Variants in CLIP1 observed in about 807,000 individuals in gnomAD.
The protein encoded by CLIP1 is CAP-Gly domain-containing linker protein 1.
CLIP1 carries 66 observed loss-of-function variants against 161.6 expected under a neutral mutation model. The ratio of observed to expected loss-of-function variants is 0.41; its 90% CI spans 0.33 to 0.50. The LOEUF (loss-of-function observed/expected upper bound fraction) is 0.50, where lower values mean the gene tolerates loss of function less well. Among genes scored for constraint, CLIP1 ranks in the 20% least tolerant of loss-of-function variants. The pLI is 0.27. For synonymous variants in CLIP1, 598 were observed against 626.2 expected, an observed-to-expected ratio of 0.96 and a Z score of 0.67; for missense variants, 1,376 against 1,702.0, an observed-to-expected ratio of 0.81 and a Z score of 3.37.
chr12:122,373,163 G>A (rs922257938), intron 3 of CLIP1, among the ~76,000 whole-genome samples: 3 of 152,074 alleles, frequency 2.0e-5, no homozygotes, highest in African/African-American at 2.4e-5. Flanking sequence ...GGTGGCTCAC[G>A]CCTGTAATCG....
Position 122,341,325 on chromosome 12 carries a change from G to T in CLIP1, c.1879C>A (p.Leu627Met). ...SDVIALWKSK[L>M]ETAIASHQQA... ...TGGTGGGATGCGATGGCAGTCTCCA[G>T]TTTGGACTTCCATAGAGCTATCACA... The change falls in exon 11 of 26, where the codon CTG becomes ATG. Residue 627 changes from leucine to methionine, a missense_variant. By Grantham distance (15) the Leu-to-Met change is conservative (BLOSUM62 2). Around this residue, in one of 6 missense-constraint regions of CLIP1, gnomAD observed 948 missense variants for 1,134.8 expected, o/e 0.84. Coordinates refer to ENST00000620786, the MANE Select transcript of CLIP1 (RefSeq NM_001247997.2). 6.2e-7 allele frequency: 1 copy of T among 1,614,040 alleles called. No homozygotes were observed. The highest frequency in any genetic ancestry group is 8.5e-7 in the Non-Finnish European group (1 of 1,179,962).
At chr12:122,390,245 TATATACAC>T (rs1955565187) in intron 1 of CLIP1, among the ~76,000 whole-genome samples, 1 of 104,602 alleles carries the variant, frequency 9.6e-6, no homozygotes, top group Admixed American at 1.2e-4. Context: ...CACACACATA[TATATACAC>T]ATATATACAC....
chr12:122,397,903 C>A, intron 1 of CLIP1, among the ~76,000 whole-genome samples: 1 of 150,352 alleles, frequency 6.7e-6, no homozygotes, highest in Non-Finnish European at 1.5e-5. Context: ...TGCAGTGAGC[C>A]AAGATTGTGC....
At chr12:122,317,464 C>T (rs57618569) in intron 18 of CLIP1, among the ~76,000 whole-genome samples, 1,528 of 152,052 alleles carry the variant, frequency 0.01, 33 homozygotes, top group African/African-American at 0.034. Context: ...CATTGGCCCA[C>T]GGGGATGCAG....
In CLIP1 at chr12:122,341,563, G is replaced by T. The variant is rs1437601032; in HGVS notation, c.1641C>A (p.Ser547=). 6.2e-7 allele frequency: 1 copy of T among 1,613,854 alleles called. No homozygotes were observed. Among genetic ancestry groups the T allele is most frequent in the East Asian group, 2.2e-5 (1 of 44,878 alleles). The change falls in exon 11 of 26, where the codon TCC becomes TCA. Residue 547 remains serine (S), a synonymous_variant. Coordinates refer to ENST00000620786, the MANE Select transcript of CLIP1 (RefSeq NM_001247997.2). ...GCAAAGAGCTTATCTCTTGCAAAAG[G>T]GAAAGTGACATGTCCACATCCCCAG... ...KPAGDVDMSL[S]LLQEISSLQE...
intron 3 of CLIP1, among the ~76,000 whole-genome samples, chr12:122,368,620 T>C (rs1468921958): frequency 6.6e-6 from 1 of 152,188 alleles, no homozygotes; most frequent in Non-Finnish European, 1.5e-5. Context: ...TTATCTGCCA[T>C]ATTCCAAGAT....
chr12:122,282,978 G>A (rs775890087), intron 21 of CLIP1, among the ~76,000 whole-genome samples: 10 of 152,146 alleles, frequency 6.6e-5, no homozygotes, highest in Non-Finnish European at 1.2e-4. Context: ...GAAGTAGCAC[G>A]GGACCTCCTC....
intron 1 of CLIP1, among the ~76,000 whole-genome samples, chr12:122,397,869 C>T (rs1446728103): frequency 2.0e-5 from 3 of 151,554 alleles, no homozygotes; most frequent in Non-Finnish European, 2.9e-5. Flanking sequence ...GCAGGATAAT[C>T]GCTTGAAGCC....
Position 122,329,357 on chromosome 12 carries a change from G to A in CLIP1, c.2868-931C>T, listed in dbSNP as rs568499953. Among the ~76,000 whole-genome samples the A allele has an allele frequency of 8.6e-5, 13 of 151,536 alleles. 1 individual carries two copies. The highest frequency in any genetic ancestry group is 2.0e-4 in the Admixed American group (3 of 15,162). On this transcript the variant is annotated intron_variant, in intron 15 of 25. Transcript: ENST00000620786. ...AAAATAAATAAAGGAGGCCAGGCAC[G>A]GTGGCTCACACCTATAATCCCAGCA...
chr12:122,315,260 G>T (rs61954397), intron 19 of CLIP1, among the ~76,000 whole-genome samples: 1 of 152,174 alleles, frequency 6.6e-6, no homozygotes, highest in Non-Finnish European at 1.5e-5. Context: ...ACAAACCCTT[G>T]AAGGGCAGGG....
chr12:122,348,555 G>A (rs1015350796), intron 9 of CLIP1, among the ~76,000 whole-genome samples: 2 of 152,094 alleles, frequency 1.3e-5, no homozygotes, highest in Non-Finnish European at 2.9e-5. Context: ...AGCCTGATAG[G>A]GAACCCAGAG....
At chr12:122,395,298 CA>C (rs1400266442) in intron 1 of CLIP1, 1 of 152,116 alleles carries the variant, frequency 6.6e-6, no homozygotes, top group Non-Finnish European at 1.5e-5. Context: ...TCTCTTTCAG[CA>C]AAATAAAGAG....
chr12:122,291,192 CCTTTT>C (rs991536601), intron 20 of CLIP1, among the ~76,000 whole-genome samples: 1 of 150,746 alleles, frequency 6.6e-6, no homozygotes, highest in African/African-American at 2.4e-5. Context: ...TGCGCCCGAC[CCTTTT>C]CTTTTTTTTT....
chr12:122,421,063 G>A (rs1453935520), intron 1 of CLIP1, among the ~76,000 whole-genome samples: 6 of 149,306 alleles, frequency 4.0e-5, no homozygotes, highest in African/African-American at 1.5e-4. Flanking sequence ...TCACATGCTG[G>A]TAAAAGGTAT....
chr12:122,345,147 G>A (rs1952686179), intron 10 of CLIP1, among the ~76,000 whole-genome samples: 1 of 150,774 alleles, frequency 6.6e-6, no homozygotes, highest in Non-Finnish European at 1.5e-5. Flanking sequence ...TTGGCTCTCA[G>A]TTAATGAGGA....
intron 1 of CLIP1, among the ~76,000 whole-genome samples, chr12:122,421,658 A>G (rs79411528): frequency 0.013 from 1,952 of 152,232 alleles, 45 homozygotes; most frequent in African/African-American, 0.039. Flanking sequence ...TCTTCATACC[A>G]AAGAGGTGGG....
chr12:122,369,266 C>T (rs1270841553), intron 3 of CLIP1, among the ~76,000 whole-genome samples: 1 of 152,050 alleles, frequency 6.6e-6, no homozygotes, highest in Non-Finnish European at 1.5e-5. Context: ...ACTGATTCCA[C>T]CCACCTTGAC....
rs1291276990 is a variant in CLIP1, at chr12:122,401,979, A to G, written c.-107+20542T>C. 3.3e-5 allele frequency among the ~76,000 whole-genome samples: 5 copies of G among 152,218 alleles called. No homozygotes were observed. In the South Asian group the frequency reaches 6.2e-4, roughly 19 times the overall value. ...GCCATTGCACTCCAGCCTGGGCAACAAGAGCAAAACTCCCGCTCAAAAAAA... is the reference window on the plus strand; with the variant it reads ...GCCATTGCACTCCAGCCTGGGCAACGAGAGCAAAACTCCCGCTCAAAAAAA... On this transcript the variant is annotated intron_variant, in intron 1 of 25. Coordinates refer to ENST00000620786, the MANE Select transcript of CLIP1 (RefSeq NM_001247997.2).
rs766359686 is a variant in CLIP1 at position 122,355,094 on chromosome 12, G to A, written c.1203+21C>T. 2.4e-5 allele frequency: 38 copies of A among 1,609,458 alleles called. No homozygotes were observed. Among genetic ancestry groups the A allele is most frequent in the Non-Finnish European group, 2.9e-5 (34 of 1,176,948 alleles). On this transcript the variant is annotated intron_variant, in intron 6 of 25. Coordinates refer to ENST00000620786, the MANE Select transcript of CLIP1 (RefSeq NM_001247997.2). The surrounding 1 kb of genome is among the most constrained non-coding windows in gnomAD (Gnocchi z 4.1). ...GGCTTTAGAAACCATCACCATCTCC[G>A]CAACAAGGTCCAGACTTCACCTGGT...
Sources: gnomAD v4.1 joint callset for allele counts (sites outside exome capture counted in the v4.1 genomes callset) on GRCh38, gnomAD v4.1.1 for gene constraint, gnomAD v4.1.1 regional missense constraint, Gnocchi (gnomAD v3.1) non-coding constraint, MANE v1.5 for transcripts, NCBI Gene and HGNC (gene_info 2026-07-23, HGNC 2026-07-21) for gene names.